The following ASAP1 variants were observed in gnomAD, a reference collection of about 807,000 sequenced individuals.
The protein encoded by ASAP1 is arf-GAP with SH3 domain, ANK repeat and PH domain-containing protein 1.
Under a neutral mutation model 145.2 loss-of-function variants are expected in ASAP1, and 43 were observed. That is an observed-to-expected ratio of 0.30 (90% CI 0.23 to 0.38). ASAP1 has a LOEUF of 0.38. Among genes scored for constraint, ASAP1 ranks in the 10% least tolerant of loss-of-function variants. ASAP1 has a pLI of 1.00. For missense variants in ASAP1, 1,018 were observed against 1,355.3 expected (o/e 0.75, Z 3.91); for synonymous variants, 546 against 515.5 (o/e 1.06, Z -0.80).
chr8:130,144,257 T>C (rs1409834591), intron 13 of ASAP1, among the ~76,000 whole-genome samples: 1 of 152,212 alleles, frequency 6.6e-6, no homozygotes, highest in Non-Finnish European at 1.5e-5. Flanking sequence ...ATCAAGACTA[T>C]TGGCTTTTGG....
chr8:130,285,755 T>TA (rs1038838957), intron 3 of ASAP1, among the ~76,000 whole-genome samples: 1 of 152,252 alleles, frequency 6.6e-6, no homozygotes, highest in African/African-American at 2.4e-5. Flanking sequence ...AGACTTTCTG[T>TA]AAAAAATATG....
chr8:130,315,883 C>G (rs1479192711), intron 3 of ASAP1, among the ~76,000 whole-genome samples: 2 of 152,184 alleles, frequency 1.3e-5, no homozygotes, highest in Non-Finnish European at 2.9e-5. Flanking sequence ...CTTGGTAATA[C>G]AGCTACTAGC....
chr8:130,240,932 C>T (rs1818488173), intron 3 of ASAP1, among the ~76,000 whole-genome samples: 1 of 152,110 alleles, frequency 6.6e-6, no homozygotes, highest in Admixed American at 6.6e-5. Flanking sequence ...AGAGGCACTA[C>T]ATGAGAGCTG....
chr8:130,191,947 T>C (rs1815168117), intron 5 of ASAP1, among the ~76,000 whole-genome samples: 1 of 152,192 alleles, frequency 6.6e-6, no homozygotes, highest in Non-Finnish European at 1.5e-5. Flanking sequence ...TCAGTCATTC[T>C]ACCTCTTTAC....
chr8:130,396,369 CAGGGAGGGAAAAATGA>C (rs1161829435), intron 2 of ASAP1, among the ~76,000 whole-genome samples: 1 of 152,052 alleles, frequency 6.6e-6, no homozygotes, highest in Non-Finnish European at 1.5e-5. Context: ...ATTTTAAAGG[CAGGGAGGGAAAAATGA>C]AGGGAGGGAG....
At chr8:130,223,639 G>A (rs1332581007) in intron 4 of ASAP1, among the ~76,000 whole-genome samples, 2 of 151,662 alleles carry the variant, frequency 1.3e-5, no homozygotes, top group African/African-American at 4.8e-5. Context: ...CTACTTGATG[G>A]GGTTATTAAA....
At chr8:130,080,041 G>T in intron 25 of ASAP1, 70 bp from the exon 26 acceptor site, 1 of 1,407,294 alleles carries the variant, frequency 7.1e-7, no homozygotes, top group East Asian at 2.3e-5. Flanking sequence ...ACATGGGTTT[G>T]GCCTGTAGAC....
At chr8:130,387,451 A>AGGAGGACCCAGGGTC (rs1176122422) in intron 2 of ASAP1, among the ~76,000 whole-genome samples, 1 of 151,818 alleles carries the variant, frequency 6.6e-6, no homozygotes, top group Non-Finnish European at 1.5e-5. Flanking sequence ...CAGGAGAATC[A>AGGAGGACCCAGGGTC]CTTGGACCCA....
At chr8:130,329,381 A>T (rs1011822813) in intron 3 of ASAP1, among the ~76,000 whole-genome samples, 1 of 152,204 alleles carries the variant, frequency 6.6e-6, no homozygotes, top group Non-Finnish European at 1.5e-5. Flanking sequence ...GACTGTGAGA[A>T]CTTGCACAGT....
intron 15 of ASAP1, among the ~76,000 whole-genome samples, chr8:130,132,194 A>G (rs140774732): frequency 6.6e-6 from 1 of 152,344 alleles, no homozygotes; most frequent in East Asian, 1.9e-4. Context: ...CTCATTTGCA[A>G]ACTAGGGACA....
intron 1 of ASAP1, among the ~76,000 whole-genome samples, chr8:130,439,769 G>A (rs1382390685): frequency 6.6e-6 from 1 of 152,222 alleles, no homozygotes; most frequent in African/African-American, 2.4e-5. Context: ...GACACTCAGG[G>A]AAATGAAACA....
chr8:130,384,274 G>C (rs1194328198), intron 2 of ASAP1, among the ~76,000 whole-genome samples: 1 of 152,192 alleles, frequency 6.6e-6, no homozygotes, highest in Non-Finnish European at 1.5e-5. Context: ...CACCATGAGA[G>C]AGACCTGCTA....
intron 3 of ASAP1, chr8:130,340,935 A>G: frequency 2.2e-6 from 1 of 453,778 alleles, no homozygotes. Flanking sequence ...CAAGGGAATA[A>G]AATACTAGGT....
At chr8:130,334,717 G>A (rs1055863980) in intron 3 of ASAP1, among the ~76,000 whole-genome samples, 8 of 152,138 alleles carry the variant, frequency 5.3e-5, no homozygotes, top group Admixed American at 3.9e-4. Context: ...ACTTTTGGCA[G>A]CCATGTGCCA....
chr8:130,428,615 TCACCACCAC>T (rs908902436), intron 1 of ASAP1, among the ~76,000 whole-genome samples: 1 of 139,390 alleles, frequency 7.2e-6, no homozygotes, highest in African/African-American at 2.7e-5. Flanking sequence ...ACCATCATCA[TCACCACCAC>T]CACCACCACT....
Position 130,358,692 on chromosome 8 carries a change from C to T in ASAP1, c.60-549G>A, listed in dbSNP as rs1447472883. Among the ~76,000 whole-genome samples, 2 of 140,462 alleles carry T rather than the reference C, an allele frequency of 1.4e-5. No individual in the cohort carries two copies. Among genetic ancestry groups the T allele is most frequent in the Non-Finnish European group, 1.6e-5 (1 of 63,830 alleles). 92.1% of individuals were successfully genotyped at this position (140,462 alleles called of 152,430 possible). On this transcript the variant is annotated intron_variant, in intron 2 of 29. Transcript: ENST00000518721. The surrounding 1 kb of genome is among the most constrained non-coding windows in gnomAD (Gnocchi z 4.1). ...GTGCTCTGCGCACGCGCGCCGCCCC[C>T]AGCCCCGCCCCCCCGGTCCCTCCCC...
chr8:130,085,473 G>A (rs113882152), intron 25 of ASAP1, among the ~76,000 whole-genome samples: 2,939 of 152,208 alleles, frequency 0.019, 96 homozygotes, highest in African/African-American at 0.066. Flanking sequence ...AGAGGCTCAC[G>A]CCTGTAATCC....
chr8:130,199,959 T>C (rs779211994), intron 5 of ASAP1, among the ~76,000 whole-genome samples: 1 of 152,252 alleles, frequency 6.6e-6, no homozygotes, highest in Non-Finnish European at 1.5e-5. Flanking sequence ...ATGAAACTTC[T>C]GGCACAGTAT....
At chr8:130,283,844 CATGATA>C (rs1423473839) in intron 3 of ASAP1, among the ~76,000 whole-genome samples, 1 of 152,034 alleles carries the variant, frequency 6.6e-6, no homozygotes, top group Non-Finnish European at 1.5e-5. Context: ...ATTGAAAAGC[CATGATA>C]ATGTCCAATG....
Sources: gnomAD v4.1 joint callset for allele counts (sites outside exome capture counted in the v4.1 genomes callset) on GRCh38, gnomAD v4.1.1 for gene constraint, Gnocchi (gnomAD v3.1) non-coding constraint, MANE v1.5 for transcripts, NCBI Gene and HGNC (gene_info 2026-07-23, HGNC 2026-07-21) for gene names.